CREB3L3: variants seen among roughly 807,000 people sequenced by gnomAD.
CREB3L3 encodes cyclic AMP-responsive element-binding protein 3-like protein 3.
A neutral mutation model predicts 44.6 loss-of-function variants in CREB3L3; 40 were observed. The observed-to-expected ratio is 0.90, with a 90% CI of 0.70 to 1.17. The LOEUF (loss-of-function observed/expected upper bound fraction) is 1.17. CREB3L3 is among the 50% of genes most tolerant of loss of function. The pLI is 0.00. For missense variants in CREB3L3, 578 were observed against 595.8 expected (o/e 0.97, Z 0.31); for synonymous variants, 273 against 256.3 (o/e 1.06, Z -0.62).
intron 4 of CREB3L3, among the ~76,000 whole-genome samples, chr19:4,161,968 C>A (rs1447252581): frequency 6.6e-6 from 1 of 152,126 alleles, no homozygotes; most frequent in South Asian, 2.1e-4. Context: ...GGAGAATGAA[C>A]GACTGCTTTG....
Position 4,171,595 on chromosome 19 carries a change from G to A in CREB3L3, c.1073-61G>A, listed in dbSNP as rs1407096140. The A allele has an allele frequency of 6.2e-7, 1 of 1,604,462 alleles. No homozygotes were observed. The highest frequency in any genetic ancestry group is 2.2e-5 in the East Asian group (1 of 44,848). ...TTGTTCCCTGAGGCTGGGGGCCAGG[G>A]AAGGGAGCATAGGACCCCACCTCCA... On this transcript the variant is annotated intron_variant, in intron 9 of 9. Coordinates refer to ENST00000078445, the MANE Select transcript of CREB3L3 (RefSeq NM_032607.3). This position sits in a 1 kb window ranked among gnomAD's most constrained non-coding sequence, Gnocchi z 4.9.
At chr19:4,162,410 T>C (rs1457140509) in intron 4 of CREB3L3, among the ~76,000 whole-genome samples, 2 of 149,396 alleles carry the variant, frequency 1.3e-5, no homozygotes, top group African/African-American at 5.0e-5. Flanking sequence ...TTTTTTTGTA[T>C]AGCTGACATA....
In CREB3L3 at chr19:4,171,031, G is replaced by A; in HGVS notation, c.891-60G>A. 1 of 1,362,700 alleles carries A rather than the reference G, an allele frequency of 7.3e-7. No individual in the cohort carries two copies. The highest frequency in any genetic ancestry group is 1.2e-5 in the South Asian group (1 of 86,084). The allele number at this position is 1,362,700 out of a possible 1,614,324, so 84.4% of individuals were successfully genotyped here. A position where few individuals can be genotyped will look rare whatever the true frequency, so the allele number is the denominator to read the frequency against. ...AGCGGGGCTGGGGGACCCCGGAAAT[G>A]GACGAGAAGCAGAACCGAGGCCCTT... On this transcript the variant is annotated intron_variant, in intron 7 of 9. Coordinates refer to ENST00000078445, the MANE Select transcript of CREB3L3 (RefSeq NM_032607.3). The surrounding 1 kb of genome is among the most constrained non-coding windows in gnomAD (Gnocchi z 4.9).
intron 6 of CREB3L3, among the ~76,000 whole-genome samples, chr19:4,169,466 C>T (rs1038344934): frequency 6.6e-6 from 1 of 151,650 alleles, no homozygotes; most frequent in African/African-American, 2.4e-5. Flanking sequence ...GGCGACAGAG[C>T]GAGACTCCAT....
In CREB3L3 at chr19:4,171,713, C is replaced by T. The variant is rs1330324589; in HGVS notation, c.1130C>T (p.Pro377Leu). 4 of 1,613,202 alleles carry T rather than the reference C, an allele frequency of 2.5e-6. No individual in the cohort carries two copies. The highest frequency in any genetic ancestry group is 1.7e-5 in the Admixed American group (1 of 59,994). ...AASRVAADAV[P>L]GSEAPGPRPE... ...TCCCGCGTGGCTGCTGATGCTGTGCCAGGCTCCGAGGCCCCAGGACCCCGA... is the reference window on the plus strand; with the variant it reads ...TCCCGCGTGGCTGCTGATGCTGTGCTAGGCTCCGAGGCCCCAGGACCCCGA... Residue 377 changes from proline to leucine, a missense_variant, in exon 10 of 10, where the codon CCA becomes CTA. Physicochemically the swap from Pro to Leu is moderately conservative, Grantham distance 98 (BLOSUM62 -3). Coordinates refer to ENST00000078445, the MANE Select transcript of CREB3L3 (RefSeq NM_032607.3). The surrounding 1 kb of genome is among the most constrained non-coding windows in gnomAD (Gnocchi z 4.9).
Position 4,159,769 on chromosome 19 carries a change from G to C in CREB3L3, c.563G>C (p.Ser188Thr). 1 of 1,498,206 alleles carries C rather than the reference G, an allele frequency of 6.7e-7. No individual in the cohort carries two copies. Among genetic ancestry groups the C allele is most frequent in the Non-Finnish European group, 9.3e-7 (1 of 1,074,436 alleles). 92.8% of individuals were successfully genotyped at this position (1,498,206 alleles called of 1,614,324 possible). A position where few individuals can be genotyped will look rare whatever the true frequency, so the allele number is the denominator to read the frequency against. Residue 188 changes from serine (S) to threonine (T), a missense_variant, in exon 4 of 10, where the codon AGC (serine) becomes ACC (threonine). Transcript: ENST00000078445. ...LTVKDLLLSG[S>T]SGDLQQHHLG... Reference sequence around the variant, plus strand: ...GTGAAAGACCTCCTCCTTTCGGGCAGCAGTGGGGACCTGGTGAGCACCCCC... The same window carrying C: ...GTGAAAGACCTCCTCCTTTCGGGCACCAGTGGGGACCTGGTGAGCACCCCC...
Position 4,171,827 on chromosome 19 carries a change from C to CGGAG in CREB3L3, c.1246_1249dup (p.Glu417GlyfsTer78), listed in dbSNP as rs773662449. 6.2e-7 allele frequency: 1 copy of CGGAG among 1,613,652 alleles called. No individual in the cohort carries two copies. Among genetic ancestry groups the CGGAG allele is most frequent in the Non-Finnish European group, 8.5e-7 (1 of 1,180,018 alleles). On this transcript the variant is annotated frameshift_variant, in exon 10 of 10. Coordinates refer to ENST00000078445, the MANE Select transcript of CREB3L3 (RefSeq NM_032607.3). LOFTEE classifies it low-confidence loss of function (END_TRUNC). The surrounding 1 kb of genome is among the most constrained non-coding windows in gnomAD (Gnocchi z 4.9). ...GACACCGCGAACCTGACCAATTCGA[C>CGGAG]GGAGGAGCTGGACAACGCCACCCTG... is the stretch of plus-strand genomic sequence containing the variant.
At chr19:4,162,719 C>T (rs2145128912) in intron 4 of CREB3L3, among the ~76,000 whole-genome samples, 1 of 151,656 alleles carries the variant, frequency 6.6e-6, no homozygotes, top group African/African-American at 2.4e-5. Flanking sequence ...TGGCTCATGC[C>T]TGTAATCCCA....
intron 4 of CREB3L3, among the ~76,000 whole-genome samples, chr19:4,163,997 G>A (rs1264896839): frequency 6.8e-5 from 9 of 132,772 alleles, no homozygotes; most frequent in Middle Eastern, 4.0e-3. Flanking sequence ...TTTTTGAGAC[G>A]GAGTCTCATA....
chr19:4,159,881 G>A, intron 4 of CREB3L3, 99 bp downstream of exon 4: 1 of 747,814 alleles, frequency 1.3e-6, no homozygotes, highest in Non-Finnish European at 2.5e-6. Context: ...GGAAAACTGA[G>A]TCACAGAAAG....
In CREB3L3 at chr19:4,171,098, T is replaced by G. The variant is rs780320814; in HGVS notation, c.898T>G (p.Leu300Val). 1.2e-6 allele frequency: 2 copies of G among 1,613,956 alleles called. No individual in the cohort carries two copies. The highest frequency in any genetic ancestry group is 1.6e-4 in the Middle Eastern group (1 of 6,062). The change falls in exon 8 of 10, where the codon TTG becomes GTG. Residue 300 changes from leucine to valine, a missense_variant. Transcript: ENST00000078445. This position sits in a 1 kb window ranked among gnomAD's most constrained non-coding sequence, Gnocchi z 4.9. ...CCTGCCTGTCTCTCTAAGGTCCCTC[T>G]TGGAGCAACTGAAGAAACTCCAGGC... is the stretch of plus-strand genomic sequence containing the variant. The part of the protein sequence containing the change: ...LHLEKQNLSL[L>V]EQLKKLQAIV...
At chr19:4,169,881 G>A (rs1020633153) in intron 6 of CREB3L3, among the ~76,000 whole-genome samples, 4 of 152,048 alleles carry the variant, frequency 2.6e-5, no homozygotes, top group Non-Finnish European at 5.9e-5. Flanking sequence ...TTACAGGTGT[G>A]AACCACCACA....
At chr19:4,168,289 GC>G in intron 5 of CREB3L3, 61 bp from the exon 6 acceptor site, 9 of 1,306,828 alleles carry the variant, frequency 6.9e-6, no homozygotes, top group Middle Eastern at 2.2e-4. Context: ...GAGAGCTACT[GC>G]CCCCGGACTC....
chr19:4,156,265 G>A (rs1414366418), intron 2 of CREB3L3, among the ~76,000 whole-genome samples: 5 of 149,964 alleles, frequency 3.3e-5, no homozygotes, highest in African/African-American at 1.2e-4. Flanking sequence ...TTGGCATACC[G>A]CAACCCCCAC....
intron 4 of CREB3L3, 23 bp from the exon 5 acceptor site, chr19:4,164,480 C>A: frequency 6.2e-7 from 1 of 1,613,772 alleles, no homozygotes; most frequent in Non-Finnish European, 8.5e-7. Context: ...CACCCGCCGT[C>A]ATTCCTCTGA....
At chr19:4,163,124 G>T (rs887472367) in intron 4 of CREB3L3, among the ~76,000 whole-genome samples, 1 of 151,908 alleles carries the variant, frequency 6.6e-6, no homozygotes, top group African/African-American at 2.4e-5. Flanking sequence ...TGGCTAACAC[G>T]GTGAAACCCC....
At chr19:4,168,077 C>T (rs1345754323) in intron 5 of CREB3L3, among the ~76,000 whole-genome samples, 5 of 151,734 alleles carry the variant, frequency 3.3e-5, no homozygotes, top group Non-Finnish European at 7.4e-5. Context: ...TGGCTCACTG[C>T]AACCTCCGCC....
At chr19:4,166,421 ATTTTTTT>A (rs35783380) in intron 5 of CREB3L3, among the ~76,000 whole-genome samples, 19 of 103,742 alleles carry the variant, frequency 1.8e-4, no homozygotes, top group Admixed American at 3.3e-4. Flanking sequence ...CGCCTGGCTA[ATTTTTTT>A]TTTTTTTTTT....
chr19:4,169,210 G>A (rs1159806500), intron 6 of CREB3L3, among the ~76,000 whole-genome samples: 7 of 151,986 alleles, frequency 4.6e-5, no homozygotes, highest in Admixed American at 6.6e-5. Context: ...CTTGAATCTC[G>A]GCCGGGCGCC....
Sources: gnomAD v4.1 joint callset for allele counts (sites outside exome capture counted in the v4.1 genomes callset) on GRCh38, gnomAD v4.1.1 for gene constraint, Gnocchi (gnomAD v3.1) non-coding constraint, MANE v1.5 for transcripts, NCBI Gene and HGNC (gene_info 2026-07-23, HGNC 2026-07-21) for gene names.